The following PSMD1 variants were observed in gnomAD, a reference collection of about 807,000 sequenced individuals.
PSMD1 encodes proteasome 26S subunit, non-ATPase 1.
Under a neutral mutation model 119.0 loss-of-function variants are expected in PSMD1, and 18 were observed. That is an observed-to-expected ratio of 0.15 (90% CI 0.10 to 0.22). The LOEUF (loss-of-function observed/expected upper bound fraction) is 0.22. Among genes scored for constraint, PSMD1 ranks in the 10% least tolerant of loss-of-function variants. The pLI is 1.00. For missense variants in PSMD1, 702 were observed against 1,158.5 expected (o/e 0.61, Z 5.72); for synonymous variants, 374 against 396.6 (o/e 0.94, Z 0.68).
At chr2:231,140,294 G>A (rs993981249) in intron 17 of PSMD1, among the ~76,000 whole-genome samples, 1 of 151,334 alleles carries the variant, frequency 6.6e-6, no homozygotes, top group African/African-American at 2.4e-5. Context: ...AGGAGTTTGA[G>A]ATCAGCCTGA....
intron 14 of PSMD1, among the ~76,000 whole-genome samples, chr2:231,084,696 A>G (rs916435144): frequency 6.6e-6 from 1 of 152,208 alleles, no homozygotes; most frequent in African/African-American, 2.4e-5. Context: ...TTAGAAGCCA[A>G]CTTCCTTGCT....
chr2:231,146,492 G>C, intron 18 of PSMD1, 136 bp downstream of exon 18: 1 of 631,280 alleles, frequency 1.6e-6, no homozygotes, highest in Non-Finnish European at 2.8e-6. Flanking sequence ...GAGCATTTTA[G>C]AGTATAAGAG....
intron 8 of PSMD1, among the ~76,000 whole-genome samples, chr2:231,076,539 C>T (rs1263222317): frequency 3.3e-5 from 5 of 152,078 alleles, no homozygotes; most frequent in Non-Finnish European, 7.3e-5. Flanking sequence ...TGGTGGCACA[C>T]GCCTTTAATC....
At chr2:231,081,976 C>A (rs1036912098) in intron 12 of PSMD1, among the ~76,000 whole-genome samples, 1 of 152,194 alleles carries the variant, frequency 6.6e-6, no homozygotes, top group Non-Finnish European at 1.5e-5. Context: ...TTTTTCCTCC[C>A]CTTCTCATGT....
At chr2:231,107,357 G>A (rs1222109073) in intron 16 of PSMD1, among the ~76,000 whole-genome samples, 3 of 152,168 alleles carry the variant, frequency 2.0e-5, no homozygotes, top group Non-Finnish European at 4.4e-5. Flanking sequence ...GTCATAGGTC[G>A]AGGGACAAAT....
At chr2:231,159,910 C>T (rs1051702489) in intron 19 of PSMD1, among the ~76,000 whole-genome samples, 2 of 152,218 alleles carry the variant, frequency 1.3e-5, no homozygotes, top group African/African-American at 2.4e-5. Context: ...CTCGCGTGCG[C>T]GGTTCACAAT....
At chr2:231,093,062 A>AT (rs998871147) in intron 16 of PSMD1, among the ~76,000 whole-genome samples, 4 of 152,154 alleles carry the variant, frequency 2.6e-5, no homozygotes, top group Non-Finnish European at 5.9e-5. Context: ...CAGTTATGTT[A>AT]TTAGAGGTTG....
At chr2:231,163,415 TTCAAAGGCACA>T (rs1305269601) in intron 20 of PSMD1, 6 of 448,234 alleles carry the variant, frequency 1.3e-5, no homozygotes, top group Non-Finnish European at 2.0e-5. Context: ...GGGATGCCCA[TTCAAAGGCACA>T]GAGATTAAGA....
chr2:231,073,997 C>G (rs1694100771), intron 7 of PSMD1, among the ~76,000 whole-genome samples: 1 of 151,918 alleles, frequency 6.6e-6, no homozygotes, highest in Non-Finnish European at 1.5e-5. Flanking sequence ...ATCTTTATAC[C>G]TTTTCCCTCT....
chr2:231,065,293 G>GTT (rs200782172), intron 4 of PSMD1, among the ~76,000 whole-genome samples: 1 of 149,118 alleles, frequency 6.7e-6, no homozygotes, highest in African/African-American at 2.5e-5. Context: ...TTGTTTTTTT[G>GTT]TTTTTTTGTT....
At chr2:231,062,356 G>T in intron 3 of PSMD1, 35 bp downstream of exon 3, 1 of 1,550,894 alleles carries the variant, frequency 6.4e-7, no homozygotes, top group South Asian at 1.1e-5. Context: ...GAATAAGATG[G>T]ATCAAATTTA....
intron 16 of PSMD1, among the ~76,000 whole-genome samples, chr2:231,114,358 C>A (rs1574741921): frequency 6.6e-6 from 1 of 152,046 alleles, no homozygotes; most frequent in African/African-American, 2.4e-5. Flanking sequence ...TGACAAAAAG[C>A]GTATTAGAAT....
At position 231,068,729 on chromosome 2, in the gene PSMD1, G is replaced by A. The variant is rs549264847; in HGVS notation, c.511-1296G>A. 6.6e-5 allele frequency among the ~76,000 whole-genome samples: 10 copies of A among 152,096 alleles called. No homozygotes were observed. The South Asian group carries it at 8.3e-4, about 13-fold the overall frequency. ...CACCTTGCTTATCAGATTGACTGTCGCAATATCACAGTGCTTGTGTTCAGA... is the reference window on the plus strand; with the variant it reads ...CACCTTGCTTATCAGATTGACTGTCACAATATCACAGTGCTTGTGTTCAGA... On this transcript the variant is annotated intron_variant, in intron 5 of 24. Transcript: ENST00000308696.
At chr2:231,059,054 T>C (rs1316073542) in intron 1 of PSMD1, among the ~76,000 whole-genome samples, 1 of 152,188 alleles carries the variant, frequency 6.6e-6, no homozygotes. Flanking sequence ...ATGTCTTGAC[T>C]GAAGAGCTCA....
chr2:231,138,862 A>G lies in PSMD1; in HGVS notation c.1998+12A>G, dbSNP rs200828577. On this transcript the variant is annotated intron_variant, in intron 17 of 24. Transcript: ENST00000308696. ...GTACAGGAAACAAGGTAAAGCCCAC[A>G]GCCAATGGGGTCAGTTCTTTCTTGG... 491 of 1,585,990 alleles carry G rather than the reference A, an allele frequency of 3.1e-4. 2 individuals carry two copies. The highest frequency in any genetic ancestry group is 1.6e-5 in the Non-Finnish European group (19 of 1,154,430).
intron 24 of PSMD1, among the ~76,000 whole-genome samples, chr2:231,171,799 G>T (rs140486330): frequency 1.3e-5 from 2 of 151,942 alleles, no homozygotes; most frequent in Non-Finnish European, 2.9e-5. Flanking sequence ...CAGCTGATCC[G>T]CGAACCTCGG....
chr2:231,123,747 T>A (rs531522515), intron 16 of PSMD1: 1 of 1,613,732 alleles, frequency 6.2e-7, no homozygotes, highest in Admixed American at 1.7e-5. Flanking sequence ...GTTCAGACAC[T>A]CTGTAAGAGA....
In PSMD1 at chr2:231,066,956, C is replaced by T. The variant is rs1446954928; in HGVS notation, c.355C>T (p.Pro119Ser). 3 of 1,612,546 alleles carry T rather than the reference C, an allele frequency of 1.9e-6. No individual in the cohort carries two copies. The highest frequency in any genetic ancestry group is 1.1e-5 in the South Asian group (1 of 90,756). Residue 119 changes from proline to serine, a missense_variant, in exon 5 of 25, where the codon CCT becomes TCT. Around this residue, in one of 9 missense-constraint regions of PSMD1, gnomAD observed 50 missense variants for 41.8 expected, o/e 1.20. Coordinates refer to ENST00000308696, the MANE Select transcript of PSMD1 (RefSeq NM_002807.4). ...ACAATGTGTGGAAAATGCAGATTTGCCTGAAGGAGAAAAAAAACCAATTGA... is the reference window on the plus strand; with the variant it reads ...ACAATGTGTGGAAAATGCAGATTTGTCTGAAGGAGAAAAAAAACCAATTGA... ...TKQCVENADL[P>S]EGEKKPIDQR...
intron 7 of PSMD1, among the ~76,000 whole-genome samples, chr2:231,075,255 A>G (rs1694133251): frequency 6.6e-6 from 1 of 151,998 alleles, no homozygotes; most frequent in Admixed American, 6.5e-5. Flanking sequence ...TGAAGGAGAT[A>G]TTTTGTCGCC....
Sources: gnomAD v4.1 joint callset for allele counts (sites outside exome capture counted in the v4.1 genomes callset) on GRCh38, gnomAD v4.1.1 for gene constraint, gnomAD v4.1.1 regional missense constraint, MANE v1.5 for transcripts, NCBI Gene and HGNC (gene_info 2026-07-23, HGNC 2026-07-21) for gene names.